The following TESK2 variants were observed in gnomAD, a reference collection of about 807,000 sequenced individuals.
TESK2 encodes testis associated actin remodelling kinase 2, also known as dual specificity testis-specific protein kinase 2.
A neutral mutation model predicts 57.1 loss-of-function variants in TESK2; 39 were observed. The ratio of observed to expected loss-of-function variants is 0.68; its 90% CI spans 0.53 to 0.89. TESK2 has a LOEUF of 0.89. Among genes scored for constraint, TESK2 ranks in the 40% least tolerant of loss-of-function variants. TESK2 has a pLI of 0.00. For synonymous variants in TESK2, 249 were observed against 267.9 expected, an observed-to-expected ratio of 0.93 and a Z score of 0.69; for missense variants, 646 against 732.1, an observed-to-expected ratio of 0.88 and a Z score of 1.36.
chr1:45,479,884 T>C (rs1277981086), intron 1 of TESK2, among the ~76,000 whole-genome samples: 2 of 138,648 alleles, frequency 1.4e-5, no homozygotes, highest in African/African-American at 5.4e-5. Flanking sequence ...AGTGGCAAGA[T>C]AGATCTCGGC....
chr1:45,486,097 C>T (rs1653466282), intron 1 of TESK2, among the ~76,000 whole-genome samples: 1 of 152,180 alleles, frequency 6.6e-6, no homozygotes, highest in Non-Finnish European at 1.5e-5. Flanking sequence ...CAGCCACTGC[C>T]TGTGATTGTT....
At chr1:45,407,557 G>T (rs1376604609) in intron 3 of TESK2, among the ~76,000 whole-genome samples, 1 of 152,154 alleles carries the variant, frequency 6.6e-6, no homozygotes, top group Non-Finnish European at 1.5e-5. Context: ...ATTTTGGAGG[G>T]ACCTGGTGGG....
intron 1 of TESK2, among the ~76,000 whole-genome samples, chr1:45,463,662 C>A (rs577161850): frequency 6.6e-6 from 1 of 152,238 alleles, no homozygotes; most frequent in African/African-American, 2.4e-5. Flanking sequence ...CAGCTCACTG[C>A]AGCCTCGATC....
At chr1:45,414,330 C>A (rs548159276) in intron 3 of TESK2, among the ~76,000 whole-genome samples, 1 of 152,280 alleles carries the variant, frequency 6.6e-6, no homozygotes, top group Non-Finnish European at 1.5e-5. Context: ...CATCAGAGGG[C>A]AAACCCACGT....
intron 1 of TESK2, among the ~76,000 whole-genome samples, chr1:45,463,683 C>A (rs1557583574): frequency 6.6e-6 from 1 of 152,102 alleles, no homozygotes; most frequent in Non-Finnish European, 1.5e-5. Flanking sequence ...TCCTAGGGCT[C>A]AGGTGATCCT....
At chr1:45,346,526 C>G (rs2149262445) in intron 9 of TESK2, among the ~76,000 whole-genome samples, 167 bp downstream of exon 9, 1 of 152,286 alleles carries the variant, frequency 6.6e-6, no homozygotes, top group South Asian at 2.1e-4. Flanking sequence ...GTCCAGAGCT[C>G]TGAATAGGTT....
At chr1:45,401,060 T>C (rs1570692273) in intron 3 of TESK2, among the ~76,000 whole-genome samples, 1 of 139,040 alleles carries the variant, frequency 7.2e-6, no homozygotes. Context: ...AAGAAAGAGG[T>C]GTGACATAGT....
In TESK2 at chr1:45,457,548, C is replaced by G. The variant is rs749441248; in HGVS notation, c.222+16G>C. The G allele has an allele frequency of 2.5e-6, 4 of 1,609,888 alleles. No homozygotes were observed. Among genetic ancestry groups the G allele is most frequent in the Non-Finnish European group, 3.4e-6 (4 of 1,176,518 alleles). On this transcript the variant is annotated intron_variant, in intron 2 of 10. Transcript: ENST00000372086. Reference sequence around the variant, plus strand: ...CCACAGCAAGACAATATGAGAAAAGCTGAAGACTCACTCACCTTGAACACT... The same window carrying G: ...CCACAGCAAGACAATATGAGAAAAGGTGAAGACTCACTCACCTTGAACACT...
chr1:45,345,732 G>C (rs1003256355), intron 10 of TESK2, 145 bp downstream of exon 10: 2 of 896,088 alleles, frequency 2.2e-6, no homozygotes, highest in Admixed American at 2.3e-5. Context: ...CTCTTAAAAA[G>C]GCCAGTACTT....
At chr1:45,396,348 A>C (rs1404215013) in intron 3 of TESK2, among the ~76,000 whole-genome samples, 1 of 151,446 alleles carries the variant, frequency 6.6e-6, no homozygotes, top group African/African-American at 2.4e-5. Context: ...CACCCGCCTC[A>C]GCCTCCCAAA....
At chr1:45,478,098 T>A (rs1407464644) in intron 1 of TESK2, among the ~76,000 whole-genome samples, 1 of 152,246 alleles carries the variant, frequency 6.6e-6, no homozygotes, top group South Asian at 2.1e-4. Flanking sequence ...TCCAGCCTCA[T>A]CTATGTCCAT....
chr1:45,420,678 G>A (rs1450382248), intron 3 of TESK2, among the ~76,000 whole-genome samples: 8 of 149,836 alleles, frequency 5.3e-5, no homozygotes, highest in South Asian at 2.1e-4. Flanking sequence ...TCCACTTCCC[G>A]GGTTCAAGCA....
Position 45,344,866 on chromosome 1 carries a change from G to C in TESK2, c.1690C>G (p.Gln564Glu), listed in dbSNP as rs897705401. The change falls in exon 11 of 11, where the codon CAA (glutamine) becomes GAA (glutamate). Residue 564 changes from glutamine to glutamate, a missense_variant. By Grantham distance (29) the Gln-to-Glu change is conservative. Transcript: ENST00000372086. ...ATFSTSGIGL[Q>E]TQGKQDG ...CACCCATCCTGCTTTCCCTGGGTTT[G>C]CAGGCCTATGCCTGAGGTGGAGAAG... The C allele has an allele frequency of 2.5e-6, 4 of 1,613,056 alleles. No homozygotes were observed. Among genetic ancestry groups the C allele is most frequent in the Admixed American group, 3.3e-5 (2 of 59,986 alleles).
At position 45,345,150 on chromosome 1, in the gene TESK2, C is replaced by G; in HGVS notation, c.1406G>C (p.Cys469Ser). Residue 469 changes from cysteine (C) to serine (S), a missense_variant, in exon 11 of 11, where the codon TGT becomes TCT. Transcript: ENST00000372086. ...GSPEFLHQEACPFVGREESLS... is the reference protein window; with the variant it reads ...GSPEFLHQEASPFVGREESLS... ...CGATTCTTCCCGGCCCACAAATGGA[C>G]AAGCCTCTTGATGCAAGAACTCAGG... is the stretch of plus-strand genomic sequence containing the variant. The G allele has an allele frequency of 6.2e-7, 1 of 1,614,170 alleles. No homozygotes were observed. The highest frequency in any genetic ancestry group is 1.3e-5 in the African/African-American group (1 of 75,060).
At chr1:45,358,992 T>A (rs186545323) in intron 4 of TESK2, among the ~76,000 whole-genome samples, 13 of 152,254 alleles carry the variant, frequency 8.5e-5, no homozygotes, top group Admixed American at 8.5e-4. Flanking sequence ...TCCCTCCTCC[T>A]CCCAAGGGAG....
chr1:45,449,637 C>T (rs1266996721), intron 2 of TESK2, among the ~76,000 whole-genome samples: 1 of 151,998 alleles, frequency 6.6e-6, no homozygotes, highest in Non-Finnish European at 1.5e-5. Context: ...ATTATTATAT[C>T]CAGGTGTTTC....
chr1:45,394,679 CTTTT>C (rs5773871), intron 3 of TESK2, among the ~76,000 whole-genome samples: 24 of 57,422 alleles, frequency 4.2e-4, no homozygotes, highest in African/African-American at 1.7e-3. Context: ...ACAGGAAACT[CTTTT>C]TTTTTTTTTT....
At chr1:45,446,038 C>G (rs773463270) in intron 2 of TESK2, among the ~76,000 whole-genome samples, 11 of 151,876 alleles carry the variant, frequency 7.2e-5, no homozygotes, top group Admixed American at 1.3e-4. Context: ...ACCAATTATC[C>G]TAGAAGAATA....
chr1:45,386,783 A>T (rs1046822495), intron 3 of TESK2, among the ~76,000 whole-genome samples: 1 of 152,032 alleles, frequency 6.6e-6, no homozygotes, highest in South Asian at 2.1e-4. Context: ...CCTCCAGAGT[A>T]GCTGGGACTA....
Sources: gnomAD v4.1 joint callset for allele counts (sites outside exome capture counted in the v4.1 genomes callset) on GRCh38, gnomAD v4.1.1 for gene constraint, MANE v1.5 for transcripts, NCBI Gene and HGNC (gene_info 2026-07-23, HGNC 2026-07-21) for gene names.